The following TSC2 variants were observed in gnomAD, a reference collection of about 807,000 sequenced individuals.
TSC2 encodes the protein tuberin.
A neutral mutation model predicts 202.2 loss-of-function variants in TSC2; 29 were observed. The observed-to-expected ratio is 0.14, with a 90% CI of 0.11 to 0.20. The LOEUF (loss-of-function observed/expected upper bound fraction) is 0.20, where lower values mean the gene tolerates loss of function less well. TSC2 is among the 10% of genes least tolerant of loss of function. The pLI is 1.00. For missense variants in TSC2, 2,429 were observed against 2,420.0 expected (o/e 1.00, Z -0.08); for synonymous variants, 1,349 against 1,044.0 (o/e 1.29, Z -5.63).
Position 2,048,066 on chromosome 16 carries a change from G to C in TSC2, c.-30+1G>C, listed in dbSNP as rs587778004. 4 of 1,427,776 alleles carry C rather than the reference G, an allele frequency of 2.8e-6. No homozygotes were observed. The African/African-American group carries it at 4.5e-5, about 16-fold the overall frequency. 88.4% of individuals were successfully genotyped at this position (1,427,776 alleles called of 1,614,324 possible). On this transcript the variant is annotated splice_donor_variant, in intron 1 of 41. Coordinates refer to ENST00000219476, the MANE Select transcript of TSC2 (RefSeq NM_000548.5). LOFTEE classifies it low-confidence loss of function (5UTR_SPLICE). ...CCGGAGCGCGGTGGCGCGGCGCGGG[G>C]TAAGTGGCGGTCCCCACGGGGCAAG...
intron 11 of TSC2, chr16:2,061,665 G>GT: frequency 1.3e-6 from 1 of 765,582 alleles, no homozygotes; most frequent in Non-Finnish European, 2.2e-6. Context: ...GTGGGTCAGG[G>GT]TGGCCCCTGG....
Position 2,089,071 on chromosome 16 carries a change from G to A in TSC2, c.*461G>A, listed in dbSNP as rs900255572. 5 of 184,484 alleles carry A rather than the reference G, an allele frequency of 2.7e-5. No individual in the cohort carries two copies. Among genetic ancestry groups the A allele is most frequent in the South Asian group, 1.2e-4 (1 of 8,352 alleles). The allele number at this position is 184,484 out of a possible 1,614,324, so 11.4% of individuals were successfully genotyped here. On this transcript the variant is annotated 3_prime_UTR_variant, in exon 42 of 42. Coordinates refer to ENST00000219476, the MANE Select transcript of TSC2 (RefSeq NM_000548.5). The stretch of plus-strand genomic sequence containing the variant: ...GGCAAGGGAGGATGACAAGGCCTCT[G>A]GGGTGATGAGAGTGCCTGGCAGACA...
rs1555508408 is a variant in TSC2 at position 2,075,866 on chromosome 16, C to T, written c.2613C>T (p.Ile871=). 6.2e-7 allele frequency: 1 copy of T among 1,613,194 alleles called. No individual in the cohort carries two copies. The highest frequency in any genetic ancestry group is 1.1e-5 in the South Asian group (1 of 91,092). ...AGCAGTATGCCAGTGTGTTCGCCAT[C>T]TCCCTGCCGTACACCAACCCCTCCA... The part of the protein sequence containing the change: ...AAEQYASVFA[I]SLPYTNPSKF... The change falls in exon 23 of 42, where the codon ATC becomes ATT. Residue 871 remains isoleucine (I), a synonymous_variant. Transcript: ENST00000219476.
intron 11 of TSC2, chr16:2,061,130 A>G: frequency 2.3e-6 from 1 of 427,522 alleles, no homozygotes; most frequent in Non-Finnish European, 4.4e-6. Flanking sequence ...CACAGTTCCC[A>G]GAGGGATGCC....
At chr16:2,058,562 C>T (rs967799338) in intron 9 of TSC2, among the ~76,000 whole-genome samples, 185 bp from the exon 10 acceptor site, 5 of 152,230 alleles carry the variant, frequency 3.3e-5, no homozygotes, top group African/African-American at 7.2e-5. Flanking sequence ...GCCGCCTGTG[C>T]GCAGGAGTGA....
chr16:2,065,113 CAAAA>C, intron 15 of TSC2: 1 of 170,072 alleles, frequency 5.9e-6, no homozygotes, highest in South Asian at 9.0e-5. Flanking sequence ...GACTCTGTCT[CAAAA>C]AGAAAAAAAA....
rs1596233597 is a variant in TSC2, at chr16:2,048,612, C to T, written c.-4C>T. On this transcript the variant is annotated 5_prime_UTR_variant, in exon 2 of 42. Coordinates refer to ENST00000219476, the MANE Select transcript of TSC2 (RefSeq NM_000548.5). Reference sequence around the variant, plus strand: ...AGGGGTTTTCTGGTGCGTCCTGGTCCACCATGGCCAAACCAACAAGCAAAG... The same window carrying T: ...AGGGGTTTTCTGGTGCGTCCTGGTCTACCATGGCCAAACCAACAAGCAAAG... The T allele has an allele frequency of 1.2e-6, 2 of 1,613,800 alleles. No homozygotes were observed. Among genetic ancestry groups the T allele is most frequent in the South Asian group, 1.1e-5 (1 of 91,086 alleles).
In TSC2 at chr16:2,048,402, C is replaced by G. The variant is rs539683611; in HGVS notation, c.-29-185C>G. 46 of 870,104 alleles carry G rather than the reference C, an allele frequency of 5.3e-5. 1 individual carries two copies. The highest frequency in any genetic ancestry group is 5.0e-4 in the African/African-American group (30 of 59,682). The allele number at this position is 870,104 out of a possible 1,614,324, so 53.9% of individuals were successfully genotyped here. A position where few individuals can be genotyped will look rare whatever the true frequency, so the allele number is the denominator to read the frequency against. ...GCTCTCTAGACCAGGCCTGGTGTCT[C>G]CCGGGCTTTCCTAGGTGCCTGTTTG... On this transcript the variant is annotated intron_variant, in intron 1 of 41. Transcript: ENST00000219476.
chr16:2,078,964 C>A, intron 26 of TSC2, 68 bp from the exon 27 acceptor site: 1 of 1,602,608 alleles, frequency 6.2e-7, no homozygotes, highest in Admixed American at 1.7e-5. Flanking sequence ...GAGCTTTGGC[C>A]CTTGGTGATA....
intron 21 of TSC2, among the ~76,000 whole-genome samples, chr16:2,073,813 G>C (rs1031979379): frequency 7.2e-5 from 11 of 152,288 alleles, no homozygotes; most frequent in Non-Finnish European, 1.5e-4. Context: ...TCTGGCCCCG[G>C]GCTCTGCCTG....
Position 2,088,267 on chromosome 16 carries a change from A to C in TSC2, c.5201A>C (p.Asp1734Ala), listed in dbSNP as rs878854117. 6.2e-7 allele frequency: 1 copy of C among 1,613,104 alleles called. No homozygotes were observed. Among genetic ancestry groups the C allele is most frequent in the Non-Finnish European group, 8.5e-7 (1 of 1,180,006 alleles). Residue 1734 changes from aspartate (D) to alanine (A), a missense_variant, in exon 41 of 42, where the codon GAT becomes GCT. Asp to Ala is a moderately radical substitution (Grantham distance 126). Coordinates refer to ENST00000219476, the MANE Select transcript of TSC2 (RefSeq NM_000548.5). ...CATCATAGCCGCTCCAACCCCACCG[A>C]TATCTACCCCTCCAAGTGGATTGCC... ...QVHHSRSNPT[D>A]IYPSKWIARL...
chr16:2,060,765 G>A lies in TSC2; in HGVS notation c.1071G>A (p.Ala357=), dbSNP rs776395163. The change falls in exon 11 of 42, where the codon GCG becomes GCA. Residue 357 remains alanine, a synonymous_variant. Coordinates refer to ENST00000219476, the MANE Select transcript of TSC2 (RefSeq NM_000548.5). ...ATAGGAAGGAGCTCCAGGTGGTGGCGTGGGACATTCTGCTGAACATCATCG... is the reference window on the plus strand; with the variant it reads ...ATAGGAAGGAGCTCCAGGTGGTGGCATGGGACATTCTGCTGAACATCATCG... ...KKYRKELQVV[A]WDILLNIIER... 6.8e-6 allele frequency: 11 copies of A among 1,613,870 alleles called. No individual in the cohort carries two copies. Among genetic ancestry groups the A allele is most frequent in the East Asian group, 6.7e-5 (3 of 44,896 alleles).
intron 4 of TSC2, chr16:2,054,044 C>T: frequency 1.7e-6 from 1 of 573,096 alleles, no homozygotes; most frequent in Non-Finnish European, 3.1e-6. Flanking sequence ...ATCCCCTGCT[C>T]TGCGCCACCC....
intron 23 of TSC2, 81 bp from the exon 24 acceptor site, chr16:2,075,987 G>C: frequency 1.2e-6 from 2 of 1,612,428 alleles, no homozygotes; most frequent in Non-Finnish European, 1.7e-6. Context: ...CAAGGCCTGA[G>C]CGCCTCGGTT....
chr16:2,056,326 C>A, intron 7 of TSC2, 82 bp downstream of exon 7: 1 of 1,573,140 alleles, frequency 6.4e-7, no homozygotes, highest in Non-Finnish European at 8.7e-7. Flanking sequence ...GCCCTGTGTG[C>A]CACCTGCTGG....
intron 15 of TSC2, chr16:2,065,158 A>C (rs540095148): frequency 8.3e-6 from 2 of 240,844 alleles, no homozygotes; most frequent in Non-Finnish European, 1.6e-5. Flanking sequence ...TCATGCCTGT[A>C]ATCCCAGCAC....
Position 2,072,902 on chromosome 16 carries a change from C to T in TSC2, c.2274C>T (p.Ser758=), listed in dbSNP as rs2151327344. ...ERLRGAPEGF[S]RTDLHLAVVP... ...TCCGAGGCGCCCCAGAAGGCTTCTC[C>T]AGAACTGACTTGCACCTGGCCGTGG... is the stretch of plus-strand genomic sequence containing the variant. Residue 758 remains serine, a synonymous_variant, in exon 21 of 42, where the codon TCC becomes TCT. Transcript: ENST00000219476. 6 of 1,613,660 alleles carry T rather than the reference C, an allele frequency of 3.7e-6. No individual in the cohort carries two copies. Among genetic ancestry groups the T allele is most frequent in the East Asian group, 2.2e-5 (1 of 44,884 alleles).
At chr16:2,072,025 G>A (rs929330476) in intron 19 of TSC2, 91 bp downstream of exon 19, 3 of 1,488,852 alleles carry the variant, frequency 2.0e-6, no homozygotes, top group Non-Finnish European at 2.7e-6. Flanking sequence ...CTCCCTGTCT[G>A]GCCTGTGGAG....
In TSC2 at chr16:2,088,733, A is replaced by C. The variant is rs1376177111; in HGVS notation, c.*123A>C. ...TTGCAGTCAGACAGCTCTTTTATTGACTTTGTCTGCTTGGTGCGGGGGTTG... is the reference window on the plus strand; with the variant it reads ...TTGCAGTCAGACAGCTCTTTTATTGCCTTTGTCTGCTTGGTGCGGGGGTTG... On this transcript the variant is annotated 3_prime_UTR_variant, in exon 42 of 42. Transcript: ENST00000219476. 5.2e-6 allele frequency: 7 copies of C among 1,345,574 alleles called. No individual in the cohort carries two copies. The highest frequency in any genetic ancestry group is 7.1e-6 in the Non-Finnish European group (7 of 990,418). The allele number at this position is 1,345,574 out of a possible 1,614,324, so 83.4% of individuals were successfully genotyped here.
Sources: allele counts gnomAD v4.1 joint callset (sites outside exome capture counted in the v4.1 genomes callset), GRCh38; gene constraint gnomAD v4.1.1; transcripts MANE v1.5; gene names NCBI Gene and HGNC (gene_info 2026-07-23, HGNC 2026-07-21).